The following ZNF445 variants were observed in gnomAD, a reference collection of about 807,000 sequenced individuals.
ZNF445 encodes zinc finger protein 445, also known as zinc finger protein 168.
ZNF445 carries 19 observed loss-of-function variants against 93.9 expected under a neutral mutation model. The observed-to-expected ratio is 0.20, with a 90% CI of 0.14 to 0.30. The LOEUF is 0.30. Ranked by LOEUF, ZNF445 falls within the 10% of genes least tolerant of loss-of-function variation. The probability of loss-of-function intolerance (pLI) is 1.00; values close to 1 mark genes in which losing one functional copy is unlikely to be tolerated. For missense variants in ZNF445, 1,058 were observed against 1,259.4 expected (o/e 0.84, Z 2.42); for synonymous variants, 449 against 446.3 (o/e 1.01, Z -0.08).
chr3:44,470,015 A>T (rs2125685583), intron 1 of ZNF445, among the ~76,000 whole-genome samples: 1 of 152,004 alleles, frequency 6.6e-6, no homozygotes, highest in Admixed American at 6.5e-5. Context: ...GCAGCCTCAA[A>T]CTCCTGGGTT....
At position 44,445,802 on chromosome 3, in the gene ZNF445, T is replaced by C. The variant is rs78691817; in HGVS notation, c.*773A>G. On this transcript the variant is annotated 3_prime_UTR_variant, in exon 8 of 8. Coordinates refer to ENST00000396077, the MANE Select transcript of ZNF445 (RefSeq NM_181489.6). Reference sequence around the variant, plus strand: ...GCGTATCCCATTTGTTTGTCATCTGTAAAGATCCAAGATGGCAGGATTTTC... The same window carrying C: ...GCGTATCCCATTTGTTTGTCATCTGCAAAGATCCAAGATGGCAGGATTTTC... 812 of 152,542 alleles carry C rather than the reference T, an allele frequency of 5.3e-3. 8 individuals carry two copies. The highest frequency in any genetic ancestry group is 0.014 in the Middle Eastern group (4 of 294). The allele number at this position is 152,542 out of a possible 1,614,324, so 9.4% of individuals were successfully genotyped here.
In ZNF445 at chr3:44,436,465, A is replaced by G. The variant is rs554280315; in HGVS notation, c.*10110T>C. 27 of 152,290 alleles carry G rather than the reference A, an allele frequency of 1.8e-4. No individual in the cohort carries two copies. The highest frequency in any genetic ancestry group is 6.5e-4 in the African/African-American group (27 of 41,564). The allele number at this position is 152,290 out of a possible 1,614,324, so 9.4% of individuals were successfully genotyped here. A position where few individuals can be genotyped will look rare whatever the true frequency, so the allele number is the denominator to read the frequency against. On this transcript the variant is annotated 3_prime_UTR_variant, in exon 8 of 8. Coordinates refer to ENST00000396077, the MANE Select transcript of ZNF445 (RefSeq NM_181489.6). ...GTATAGAATATCTGGCACTCTCTAC[A>G]TGAATTTATTTCTCATAATGAAGTG... is the stretch of plus-strand genomic sequence containing the variant.
chr3:44,439,022 A>AC lies in ZNF445; in HGVS notation c.*7552dup, dbSNP rs1392212904. ...CCCTAAAAGTATAAAAAAAAAAAAA[A>AC]CAAGGACTCCAGGCATGGTGGCTCA... On this transcript the variant is annotated 3_prime_UTR_variant, in exon 8 of 8. Coordinates refer to ENST00000396077, the MANE Select transcript of ZNF445 (RefSeq NM_181489.6). The AC allele has an allele frequency of 1.3e-5, 2 of 151,012 alleles. No individual in the cohort carries two copies. The highest frequency in any genetic ancestry group is 2.4e-5 in the African/African-American group (1 of 41,022). 9.4% of individuals were successfully genotyped at this position (151,012 alleles called of 1,614,324 possible). A position where few individuals can be genotyped will look rare whatever the true frequency, so the allele number is the denominator to read the frequency against.
In ZNF445 at chr3:44,439,338, C is replaced by CGCAAAAA. The variant is rs1382730941; in HGVS notation, c.*7230_*7236dup. ...AAAAAAAAAAAAAAAAAAAGCAAAA[C>CGCAAAAA]GCAAAAAGCAGTGGTGACCATAGGT... On this transcript the variant is annotated 3_prime_UTR_variant, in exon 8 of 8. Transcript: ENST00000396077. 12 of 140,686 alleles carry CGCAAAAA rather than the reference C, an allele frequency of 8.5e-5. No homozygotes were observed. The highest frequency in any genetic ancestry group is 3.5e-3 in the Middle Eastern group (1 of 284). 8.7% of individuals were successfully genotyped at this position (140,686 alleles called of 1,614,324 possible). A position where few individuals can be genotyped will look rare whatever the true frequency, so the allele number is the denominator to read the frequency against.
In ZNF445 at chr3:44,433,478, A is replaced by G. The variant is rs1165943720; in HGVS notation, c.*13097T>C. ...TGTGGACATTTTGTTGAGGAAAGAA[A>G]TAGGACAGACAACTCAATGAAGTCT... is the stretch of plus-strand genomic sequence containing the variant. On this transcript the variant is annotated 3_prime_UTR_variant, in exon 8 of 8. Coordinates refer to ENST00000396077, the MANE Select transcript of ZNF445 (RefSeq NM_181489.6). The G allele has an allele frequency of 2.0e-5, 3 of 152,204 alleles. No homozygotes were observed. The highest frequency in any genetic ancestry group is 6.5e-5 in the Admixed American group (1 of 15,272). The allele number at this position is 152,204 out of a possible 1,614,324, so 9.4% of individuals were successfully genotyped here. A position where few individuals can be genotyped will look rare whatever the true frequency, so the allele number is the denominator to read the frequency against.
chr3:44,475,491 T>C (rs1284977117), intron 1 of ZNF445, among the ~76,000 whole-genome samples: 1 of 151,620 alleles, frequency 6.6e-6, no homozygotes, highest in Non-Finnish European at 1.5e-5. Flanking sequence ...TGAGCCACCA[T>C]GCTCAGCCAG....
At chr3:44,465,922 A>C (rs918841944) in intron 1 of ZNF445, among the ~76,000 whole-genome samples, 19 of 152,178 alleles carry the variant, frequency 1.2e-4, no homozygotes, top group Admixed American at 2.0e-4. Context: ...TCAAAAAAAA[A>C]CCAAAAAACA....
At chr3:44,453,385 T>G (rs1481554398) in intron 3 of ZNF445, among the ~76,000 whole-genome samples, 2 of 150,538 alleles carry the variant, frequency 1.3e-5, no homozygotes, top group African/African-American at 4.9e-5. Flanking sequence ...GCCTCCACCT[T>G]CCAGGTTCAA....
At chr3:44,469,381 T>C (rs918385152) in intron 1 of ZNF445, among the ~76,000 whole-genome samples, 2 of 152,208 alleles carry the variant, frequency 1.3e-5, no homozygotes, top group Non-Finnish European at 2.9e-5. Context: ...ACGCTTCATA[T>C]TGCAGTAGAA....
At chr3:44,471,997 C>G (rs988854490) in intron 1 of ZNF445, among the ~76,000 whole-genome samples, 7 of 151,886 alleles carry the variant, frequency 4.6e-5, no homozygotes, top group African/African-American at 1.7e-4. Flanking sequence ...GCCAGCAGCA[C>G]AAAAGGGAAG....
Position 44,445,844 on chromosome 3 carries a change from G to C in ZNF445, c.*731C>G, listed in dbSNP as rs146675524. 2.6e-5 allele frequency: 4 copies of C among 152,580 alleles called. No individual in the cohort carries two copies. Among genetic ancestry groups the C allele is most frequent in the African/African-American group, 9.6e-5 (4 of 41,590 alleles). 9.5% of individuals were successfully genotyped at this position (152,580 alleles called of 1,614,324 possible). A position where few individuals can be genotyped will look rare whatever the true frequency, so the allele number is the denominator to read the frequency against. On this transcript the variant is annotated 3_prime_UTR_variant, in exon 8 of 8. Coordinates refer to ENST00000396077, the MANE Select transcript of ZNF445 (RefSeq NM_181489.6). Reference sequence around the variant, plus strand: ...AGGATTTTCATCTGTTCTGGTCCCTGCTGGGTCTCTGGCAAACACACCAGC... The same window carrying C: ...AGGATTTTCATCTGTTCTGGTCCCTCCTGGGTCTCTGGCAAACACACCAGC...
chr3:44,461,138 G>C (rs1047823204), intron 1 of ZNF445, among the ~76,000 whole-genome samples: 1 of 152,166 alleles, frequency 6.6e-6, no homozygotes, highest in Non-Finnish European at 1.5e-5. Context: ...TATCCTAGGC[G>C]CTGCCAATGC....
chr3:44,466,795 TG>T lies in ZNF445; in HGVS notation c.-268-8432del, dbSNP rs567963629. On this transcript the variant is annotated intron_variant, in intron 1 of 7. Coordinates refer to ENST00000396077, the MANE Select transcript of ZNF445 (RefSeq NM_181489.6). ...TAGATGAATGGTGTTTGGTTTACTT[TG>T]GACTGTATTTGTTTAAATATGTTAT... is the stretch of plus-strand genomic sequence containing the variant. 2.0e-3 allele frequency among the ~76,000 whole-genome samples: 300 copies of T among 152,356 alleles called. 1 individual carries two copies. The highest frequency in any genetic ancestry group is 7.0e-3 in the African/African-American group (291 of 41,590).
At chr3:44,461,167 A>T (rs1028187227) in intron 1 of ZNF445, among the ~76,000 whole-genome samples, 1 of 152,132 alleles carries the variant, frequency 6.6e-6, no homozygotes, top group African/African-American at 2.4e-5. Context: ...TTCTCCCAGC[A>T]GCTTCTGTAG....
Position 44,449,524 on chromosome 3 carries a change from G to T in ZNF445, c.920C>A (p.Ala307Asp). ...QAAQPKGNPV[A>D]APTGDDLQSK... ...TCTCTGGAACTCACCTGTAGGAGCA[G>T]CAACTGGATTCCCCTTAGGCTGAGC... Residue 307 changes from alanine (A) to aspartate (D), a missense_variant, in exon 7 of 8, where the codon GCT becomes GAT. Transcript: ENST00000396077. The T allele has an allele frequency of 6.2e-7, 1 of 1,614,058 alleles. No individual in the cohort carries two copies. The highest frequency in any genetic ancestry group is 8.5e-7 in the Non-Finnish European group (1 of 1,179,894).
At chr3:44,471,089 A>G (rs1698262554) in intron 1 of ZNF445, among the ~76,000 whole-genome samples, 1 of 152,156 alleles carries the variant, frequency 6.6e-6, no homozygotes, top group African/African-American at 2.4e-5. Flanking sequence ...GTTGAAGAAA[A>G]AGAGAAATAC....
rs1480277266 is a variant in ZNF445, at chr3:44,450,852, A to G, written c.693+16T>C. The G allele has an allele frequency of 1.3e-6, 2 of 1,544,456 alleles. No homozygotes were observed. Among genetic ancestry groups the G allele is most frequent in the African/African-American group, 1.4e-5 (1 of 72,672 alleles). ...ACGTGGGGACATCAGGAAGGACCAA[A>G]TGTTCTGTGGCTCACCTGGAGCTGG... On this transcript the variant is annotated intron_variant, in intron 5 of 7. Coordinates refer to ENST00000396077, the MANE Select transcript of ZNF445 (RefSeq NM_181489.6).
Position 44,450,642 on chromosome 3 carries a change from GA to G in ZNF445, c.694-70del. On this transcript the variant is annotated intron_variant, in intron 5 of 7. Coordinates refer to ENST00000396077, the MANE Select transcript of ZNF445 (RefSeq NM_181489.6). ...TTTGAGGTGGAAAGGGAGAGAAGGG[GA>G]ATAAACTGGCTCTGTGTGAGTGCAG... 18 of 1,571,068 alleles carry G rather than the reference GA, an allele frequency of 1.1e-5. No homozygotes were observed. The South Asian group carries it at 2.2e-4, about 19-fold the overall frequency.
chr3:44,466,878 CATTATT>C (rs1165523243), intron 1 of ZNF445, among the ~76,000 whole-genome samples: 1 of 152,142 alleles, frequency 6.6e-6, no homozygotes, highest in Non-Finnish European at 1.5e-5. Flanking sequence ...ATTTAGTGTA[CATTATT>C]ATAATTGTTA....
Sources: allele counts gnomAD v4.1 joint callset (sites outside exome capture counted in the v4.1 genomes callset), GRCh38; gene constraint gnomAD v4.1.1; transcripts MANE v1.5; gene names NCBI Gene and HGNC (gene_info 2026-07-23, HGNC 2026-07-21).